OGDH: variants seen among roughly 807,000 people sequenced by gnomAD.
OGDH encodes the protein oxoglutarate dehydrogenase.
In OGDH, 38 loss-of-function variants were observed where a neutral mutation model predicts 116.6. The ratio of observed to expected loss-of-function variants is 0.33; its 90% CI spans 0.25 to 0.43. The LOEUF (loss-of-function observed/expected upper bound fraction) is 0.43, where lower values mean the gene tolerates loss of function less well. Ranked by LOEUF, OGDH falls within the 20% of genes least tolerant of loss-of-function variation. The pLI is 1.00. For synonymous variants in OGDH, 488 were observed against 533.3 expected (o/e 0.92, Z 1.17); for missense variants, 825 against 1,357.2 (o/e 0.61, Z 6.16).
At chr7:44,626,348 CA>C (rs1785208482) in intron 2 of OGDH, among the ~76,000 whole-genome samples, 1 of 150,952 alleles carries the variant, frequency 6.6e-6, no homozygotes, top group Non-Finnish European at 1.5e-5. Context: ...CACACACACA[CA>C]CACACACACA....
At chr7:44,621,612 G>A (rs573524329) in intron 1 of OGDH, among the ~76,000 whole-genome samples, 2 of 152,232 alleles carry the variant, frequency 1.3e-5, no homozygotes, top group East Asian at 3.9e-4. Flanking sequence ...GGTGGCTCAC[G>A]CCTGTAATAC....
At chr7:44,635,704 A>G (rs1439240224) in intron 2 of OGDH, among the ~76,000 whole-genome samples, 2 of 151,228 alleles carry the variant, frequency 1.3e-5, no homozygotes, top group East Asian at 1.9e-4. Flanking sequence ...CAAGGACTTT[A>G]TAATTTTTTT....
intron 12 of OGDH, 104 bp from the exon 13 acceptor site, chr7:44,695,921 G>T: frequency 1.5e-6 from 1 of 677,088 alleles, no homozygotes; most frequent in Non-Finnish European, 2.7e-6. Context: ...CCAGGGGTAT[G>T]GTTGGGCTTG....
At chr7:44,634,923 C>G (rs1028918321) in intron 2 of OGDH, among the ~76,000 whole-genome samples, 25 of 152,310 alleles carry the variant, frequency 1.6e-4, no homozygotes, top group African/African-American at 5.8e-4. Flanking sequence ...ACAAGTCTCC[C>G]CAATAGGGAG....
intron 2 of OGDH, among the ~76,000 whole-genome samples, chr7:44,631,505 T>G (rs1357841567): frequency 1.3e-5 from 2 of 152,242 alleles, no homozygotes; most frequent in Non-Finnish European, 2.9e-5. Context: ...TCTCAGCACT[T>G]GTGGCTTTTT....
At chr7:44,656,973 T>C (rs1786719918) in intron 4 of OGDH, among the ~76,000 whole-genome samples, 1 of 152,226 alleles carries the variant, frequency 6.6e-6, no homozygotes, top group African/African-American at 2.4e-5. Context: ...TTCTTTACAC[T>C]CTGGCTTCTC....
At chr7:44,662,493 C>G (rs1786992154) in intron 4 of OGDH, among the ~76,000 whole-genome samples, 1 of 144,944 alleles carries the variant, frequency 6.9e-6, no homozygotes, top group East Asian at 2.0e-4. Context: ...GACAGAGTCT[C>G]ACTCTGTTGC....
chr7:44,677,893 A>G (rs1787768028), intron 9 of OGDH, among the ~76,000 whole-genome samples: 1 of 151,842 alleles, frequency 6.6e-6, no homozygotes, highest in South Asian at 2.1e-4. Context: ...AAAAAAAAAA[A>G]AGAAGTGGAA....
rs1312612641 is a variant in OGDH at position 44,685,477 on chromosome 7, C to T, written c.1335+3629C>T. Among the ~76,000 whole-genome samples, 4 of 152,266 alleles carry T rather than the reference C, an allele frequency of 2.6e-5. No individual in the cohort carries two copies. In the East Asian group the frequency reaches 5.8e-4, roughly 22 times the overall value. On this transcript the variant is annotated intron_variant, in intron 10 of 22. Coordinates refer to ENST00000222673, the MANE Select transcript of OGDH (RefSeq NM_002541.4). ...ACCTTTTTAAGGCTGAATAATATTC[C>T]ACTCTATAAGTAAAATATATCACAT...
rs370315968 is a variant in OGDH at position 44,652,410 on chromosome 7, A to G, written c.517+4651A>G. Among the ~76,000 whole-genome samples the G allele has an allele frequency of 5.3e-5, 8 of 152,246 alleles. No individual in the cohort carries two copies. The East Asian group carries it at 1.5e-3, about 29-fold the overall frequency. On this transcript the variant is annotated intron_variant, in intron 4 of 22. Transcript: ENST00000222673. Reference sequence around the variant, plus strand: ...CATGTGTGAGCTACCGCACCTGGCCAGAGATAACTTTTTAATGAAGTGTTA... The same window carrying G: ...CATGTGTGAGCTACCGCACCTGGCCGGAGATAACTTTTTAATGAAGTGTTA...
chr7:44,666,180 C>T (rs1020474839), intron 4 of OGDH, among the ~76,000 whole-genome samples: 12 of 152,180 alleles, frequency 7.9e-5, no homozygotes, highest in African/African-American at 2.9e-4. Flanking sequence ...CTGTGGTGCA[C>T]CCCTGCCTGG....
At chr7:44,616,848 T>C (rs1172007038) in intron 1 of OGDH, among the ~76,000 whole-genome samples, 3 of 122,066 alleles carry the variant, frequency 2.5e-5, no homozygotes, top group African/African-American at 6.3e-5. Context: ...CATATACGTG[T>C]ATATATATAC....
intron 4 of OGDH, among the ~76,000 whole-genome samples, chr7:44,653,900 G>C (rs574508863): frequency 7.8e-4 from 119 of 152,142 alleles, no homozygotes; most frequent in African/African-American, 2.8e-3. Flanking sequence ...TGTTGCCCAG[G>C]CTGGAGTGCA....
chr7:44,682,475 A>T (rs1276171200), intron 10 of OGDH, among the ~76,000 whole-genome samples: 1 of 152,014 alleles, frequency 6.6e-6, no homozygotes, highest in East Asian at 1.9e-4. Flanking sequence ...AGGTGGGCAG[A>T]TCACTTGAGG....
intron 4 of OGDH, among the ~76,000 whole-genome samples, chr7:44,651,189 G>T: frequency 6.6e-6 from 1 of 152,208 alleles, no homozygotes; most frequent in East Asian, 1.9e-4. Context: ...AGTTTGGTCT[G>T]CAGTGCAAGC....
chr7:44,697,674 C>G lies in OGDH; in HGVS notation c.2250C>G (p.Phe750Leu). The change falls in exon 17 of 23, where the codon TTC (phenylalanine) becomes TTG (leucine). Residue 750 changes from phenylalanine to leucine, a missense_variant. By Grantham distance (22) the Phe-to-Leu change is conservative (BLOSUM62 0). Transcript: ENST00000222673. This position sits in a 1 kb window ranked among gnomAD's most constrained non-coding sequence, Gnocchi z 6.0. ...LVLWEAQFGD[F>L]HNTAQCIIDQ... ...TCTGGGAAGCCCAATTTGGTGACTT[C>G]CACAACACGGCCCAGTGTATCATCG... 6.2e-7 allele frequency: 1 copy of G among 1,614,262 alleles called. No individual in the cohort carries two copies. The highest frequency in any genetic ancestry group is 8.5e-7 in the Non-Finnish European group (1 of 1,180,042).
intron 1 of OGDH, among the ~76,000 whole-genome samples, chr7:44,618,549 A>G (rs1784891072): frequency 6.6e-6 from 1 of 152,132 alleles, no homozygotes; most frequent in Non-Finnish European, 1.5e-5. Context: ...GTTATTTCCT[A>G]AGTAACTAAA....
chr7:44,616,662 CGTATATACGTATATATACACATAT>C (rs1430552905), intron 1 of OGDH, among the ~76,000 whole-genome samples: 1 of 144,162 alleles, frequency 6.9e-6, no homozygotes, highest in East Asian at 2.0e-4. Context: ...CATATATATA[CGTATATACGTATATATACACATAT>C]GTATATGTAT....
intron 1 of OGDH, among the ~76,000 whole-genome samples, chr7:44,617,292 A>G (rs1244207361): frequency 6.6e-6 from 1 of 152,062 alleles, no homozygotes; most frequent in Non-Finnish European, 1.5e-5. Context: ...TTGTGTTACA[A>G]TTACAAAAAG....
Sources: allele counts gnomAD v4.1 joint callset (sites outside exome capture counted in the v4.1 genomes callset), GRCh38; gene constraint gnomAD v4.1.1; non-coding constraint Gnocchi (gnomAD v3.1); transcripts MANE v1.5; gene names NCBI Gene and HGNC (gene_info 2026-07-23, HGNC 2026-07-21).